The following ZNF385D variants were observed in gnomAD, a reference collection of about 807,000 sequenced individuals.
ZNF385D encodes zinc finger protein 385D.
Under a neutral mutation model 35.8 loss-of-function variants are expected in ZNF385D, and 15 were observed. The observed-to-expected ratio is 0.42, with a 90% CI of 0.28 to 0.64. The LOEUF (loss-of-function observed/expected upper bound fraction) is 0.64. Ranked by LOEUF, ZNF385D falls within the 30% of genes least tolerant of loss-of-function variation. The probability of loss-of-function intolerance (pLI) is 0.23; values close to 1 mark genes in which losing one functional copy is unlikely to be tolerated. For missense variants in ZNF385D, 474 were observed against 494.6 expected, an observed-to-expected ratio of 0.96 and a Z score of 0.39; for synonymous variants, 212 against 186.8, an observed-to-expected ratio of 1.13 and a Z score of -1.10.
intron 3 of ZNF385D, among the ~76,000 whole-genome samples, chr3:21,972,545 T>G (rs920757956): frequency 6.6e-6 from 1 of 151,522 alleles, no homozygotes; most frequent in Non-Finnish European, 1.5e-5. Context: ...CAAGAACAAA[T>G]CAAACCACAA....
intron 3 of ZNF385D, among the ~76,000 whole-genome samples, chr3:21,764,177 T>C (rs1026858392): frequency 3.9e-5 from 6 of 152,162 alleles, no homozygotes; most frequent in African/African-American, 1.4e-4. Context: ...GGGAAGAGTA[T>C]TCTGGGCATG....
intron 6 of ZNF385D, among the ~76,000 whole-genome samples, chr3:21,424,689 C>CT (rs58781852): frequency 0.11 from 14,142 of 125,040 alleles, 987 homozygotes; most frequent in African/African-American, 0.14. Context: ...ACACACATCT[C>CT]TTTTTTTTTT....
chr3:22,357,373 T>C (rs2125505899), intron 2 of ZNF385D, among the ~76,000 whole-genome samples: 1 of 152,044 alleles, frequency 6.6e-6, no homozygotes, highest in South Asian at 2.1e-4. Flanking sequence ...GATAAATTAA[T>C]GTCACTTATA....
intron 3 of ZNF385D, among the ~76,000 whole-genome samples, chr3:22,146,198 AT>A (rs1704842900): frequency 6.6e-6 from 1 of 152,198 alleles, no homozygotes; most frequent in South Asian, 2.1e-4. Context: ...GCAAAGTTTC[AT>A]TTGTACTTAT....
intron 3 of ZNF385D, among the ~76,000 whole-genome samples, chr3:21,895,899 A>G (rs1427811265): frequency 1.3e-5 from 2 of 152,108 alleles, no homozygotes; most frequent in African/African-American, 4.8e-5. Flanking sequence ...TAGAAGTTTG[A>G]TTTACATTAA....
At chr3:22,367,714 G>C (rs1186450446) in intron 2 of ZNF385D, among the ~76,000 whole-genome samples, 1 of 151,980 alleles carries the variant, frequency 6.6e-6, no homozygotes, top group African/African-American at 2.4e-5. Context: ...AGGATAGATG[G>C]AGACTGTTGG....
chr3:21,977,381 G>C (rs28476537), intron 3 of ZNF385D, among the ~76,000 whole-genome samples: 1 of 151,978 alleles, frequency 6.6e-6, no homozygotes, highest in African/African-American at 2.4e-5. Flanking sequence ...GTTGTCTAGG[G>C]GGTTCCACAG....
rs74583702 is a variant in ZNF385D at position 22,118,189 on chromosome 3, G to A, written c.325+50628C>T. ...AATTGTGAACTATGGAATTGCTAATGTCTCTCTTATTCCAAAATCCCATTG... is the reference window on the plus strand; with the variant it reads ...AATTGTGAACTATGGAATTGCTAATATCTCTCTTATTCCAAAATCCCATTG... On this transcript the variant is annotated intron_variant, in intron 3 of 5. Coordinates refer to the ZNF385D transcript ENST00000494108. Among the ~76,000 whole-genome samples, 200 of 152,126 alleles carry A rather than the reference G, an allele frequency of 1.3e-3. 3 individuals are homozygous for A. In the East Asian group the frequency reaches 0.036, roughly 27 times the overall value.
At chr3:22,274,253 C>A (rs560107009) in intron 2 of ZNF385D, among the ~76,000 whole-genome samples, 1 of 151,872 alleles carries the variant, frequency 6.6e-6, no homozygotes, top group South Asian at 2.1e-4. Context: ...CTTTTGTCTA[C>A]CTAGATACTA....
intron 2 of ZNF385D, among the ~76,000 whole-genome samples, chr3:22,294,449 C>T (rs942188642): frequency 1.4e-4 from 21 of 151,868 alleles, no homozygotes; most frequent in Non-Finnish European, 1.9e-4. Context: ...TGGGTCCACC[C>T]CCGCATATTT....
intron 3 of ZNF385D, among the ~76,000 whole-genome samples, chr3:21,513,815 A>T (rs1014980478): frequency 4.6e-5 from 7 of 151,978 alleles, no homozygotes; most frequent in Non-Finnish European, 7.4e-5. Flanking sequence ...TCCTAGCATA[A>T]TTTTTTCTAA....
At chr3:21,804,880 A>C (rs1221452218) in intron 3 of ZNF385D, among the ~76,000 whole-genome samples, 1 of 151,812 alleles carries the variant, frequency 6.6e-6, no homozygotes, top group Admixed American at 6.6e-5. Flanking sequence ...ATAAGAAAGA[A>C]CGTTGCTTGG....
intron 3 of ZNF385D, among the ~76,000 whole-genome samples, chr3:21,906,549 A>T (rs1031787746): frequency 1.3e-5 from 2 of 152,184 alleles, no homozygotes; most frequent in Non-Finnish European, 2.9e-5. Flanking sequence ...TCATCACTTA[A>T]TGATTTCATA....
upstream of ZNF385D, among the ~76,000 whole-genome samples, chr3:21,754,417 A>G (rs373973007): frequency 6.6e-5 from 10 of 152,242 alleles, no homozygotes; most frequent in African/African-American, 2.4e-4. Flanking sequence ...TGTAGCACCA[A>G]CCTGCTTGCC....
At chr3:21,907,417 T>A (rs1699737321) in intron 3 of ZNF385D, among the ~76,000 whole-genome samples, 2 of 152,186 alleles carry the variant, frequency 1.3e-5, no homozygotes, top group South Asian at 4.1e-4. Flanking sequence ...TCCATTTTCA[T>A]ATCAATATAG....
intron 3 of ZNF385D, among the ~76,000 whole-genome samples, chr3:22,043,616 T>A (rs1698808789): frequency 8.4e-6 from 1 of 118,592 alleles, no homozygotes; most frequent in African/African-American, 3.0e-5. Flanking sequence ...AGTCCCTGCC[T>A]TCTCTTCTAG....
At chr3:21,695,277 T>C (rs1055872006) in intron 1 of ZNF385D, among the ~76,000 whole-genome samples, 4 of 152,226 alleles carry the variant, frequency 2.6e-5, no homozygotes, top group Admixed American at 2.6e-4. Flanking sequence ...GAAATTACTT[T>C]TCTTTTCCCT....
intron 3 of ZNF385D, among the ~76,000 whole-genome samples, chr3:21,781,321 T>C (rs765024131): frequency 6.6e-6 from 1 of 152,096 alleles, no homozygotes; most frequent in Admixed American, 6.6e-5. Flanking sequence ...CTCTTGCCTA[T>C]GTAGGACCTT....
At chr3:22,209,886 A>G (rs1697407355) in intron 2 of ZNF385D, among the ~76,000 whole-genome samples, 1 of 151,904 alleles carries the variant, frequency 6.6e-6, no homozygotes, top group African/African-American at 2.4e-5. Context: ...ATAAATAAGC[A>G]TAAATATTAA....
Sources: allele counts gnomAD v4.1 joint callset (sites outside exome capture counted in the v4.1 genomes callset), GRCh38; gene constraint gnomAD v4.1.1; transcripts MANE v1.5; gene names NCBI Gene and HGNC (gene_info 2026-07-23, HGNC 2026-07-21).